Variants in PTPRD observed in about 807,000 individuals in gnomAD.
PTPRD encodes receptor-type tyrosine-protein phosphatase delta.
A neutral mutation model predicts 214.5 loss-of-function variants in PTPRD; 34 were observed. That is an observed-to-expected ratio of 0.16 (90% CI 0.12 to 0.21). The LOEUF (loss-of-function observed/expected upper bound fraction) is 0.21. PTPRD is among the 10% of genes least tolerant of loss of function. The pLI is 1.00. For synonymous variants in PTPRD, 1,128 were observed against 845.7 expected (o/e 1.33, Z -5.79); for missense variants, 2,545 against 2,398.7 (o/e 1.06, Z -1.27).
At chr9:8,627,122 A>C (rs192813846) in intron 14 of PTPRD, among the ~76,000 whole-genome samples, 31 of 151,862 alleles carry the variant, frequency 2.0e-4, no homozygotes, top group African/African-American at 7.5e-4. Context: ...TGTATCATCC[A>C]TGTAGCATTT....
chr9:10,225,892 C>A (rs2099587249), intron 3 of PTPRD, among the ~76,000 whole-genome samples: 1 of 151,972 alleles, frequency 6.6e-6, no homozygotes, highest in Non-Finnish European at 1.5e-5. Context: ...TGAGAGCAAA[C>A]AAGTAAAGAA....
chr9:10,287,680 T>C (rs2095405093), intron 3 of PTPRD, among the ~76,000 whole-genome samples: 1 of 152,136 alleles, frequency 6.6e-6, no homozygotes, highest in Non-Finnish European at 1.5e-5. Flanking sequence ...ATTTTCTTGC[T>C]TATCCTTTCT....
At chr9:8,662,705 T>C (rs1051202694) in intron 12 of PTPRD, among the ~76,000 whole-genome samples, 1 of 152,208 alleles carries the variant, frequency 6.6e-6, no homozygotes, top group Non-Finnish European at 1.5e-5. Flanking sequence ...AGGACCATTT[T>C]TTCACTTTTA....
At chr9:8,432,307 G>C (rs139136040) in intron 35 of PTPRD, among the ~76,000 whole-genome samples, 5 of 152,336 alleles carry the variant, frequency 3.3e-5, no homozygotes, top group African/African-American at 9.6e-5. Context: ...GACCTGCAGA[G>C]ATGGGGTTAC....
chr9:10,113,091 TC>T (rs2098704827), intron 3 of PTPRD, among the ~76,000 whole-genome samples: 2 of 152,160 alleles, frequency 1.3e-5, no homozygotes, highest in Admixed American at 1.3e-4. Flanking sequence ...GTCTCAGCAC[TC>T]ACTTTTATCA....
At chr9:9,629,077 G>C (rs1034668660) in intron 7 of PTPRD, among the ~76,000 whole-genome samples, 2 of 151,772 alleles carry the variant, frequency 1.3e-5, no homozygotes, top group African/African-American at 4.8e-5. Flanking sequence ...AGGAGGCTGA[G>C]GCAGGAGAAT....
chr9:9,064,729 T>C (rs1014626897), intron 10 of PTPRD, among the ~76,000 whole-genome samples: 2 of 152,242 alleles, frequency 1.3e-5, no homozygotes, highest in South Asian at 2.1e-4. Context: ...ACAGTTAGTA[T>C]GGACATTCGG....
At chr9:8,624,578 A>G (rs2095949383) in intron 14 of PTPRD, among the ~76,000 whole-genome samples, 1 of 151,852 alleles carries the variant, frequency 6.6e-6, no homozygotes, top group Non-Finnish European at 1.5e-5. Context: ...AAGGAAATTA[A>G]CATTCTTTGG....
intron 39 of PTPRD, among the ~76,000 whole-genome samples, chr9:8,368,002 T>G (rs900390777): frequency 6.6e-6 from 1 of 152,208 alleles, no homozygotes; most frequent in Non-Finnish European, 1.5e-5. Context: ...AGCTAAGATT[T>G]GAACTCTGTT....
chr9:9,991,832 CCACACACACACACACA>C (rs56267970), intron 4 of PTPRD, among the ~76,000 whole-genome samples: 73 of 147,638 alleles, frequency 4.9e-4, no homozygotes, highest in African/African-American at 1.7e-3. Flanking sequence ...TTCAACAGCA[CCACACACACACACACA>C]CACACACACA....
intron 34 of PTPRD, among the ~76,000 whole-genome samples, chr9:8,444,143 T>C (rs901819899): frequency 5.3e-5 from 8 of 152,102 alleles, no homozygotes; most frequent in Non-Finnish European, 1.0e-4. Context: ...TGTCAAAATA[T>C]ATGGGCTCAG....
intron 12 of PTPRD, among the ~76,000 whole-genome samples, chr9:8,652,814 G>A (rs1326783944): frequency 6.6e-6 from 1 of 152,086 alleles, no homozygotes; most frequent in Non-Finnish European, 1.5e-5. Flanking sequence ...AGAAGCATTT[G>A]GGAATGTATG....
chr9:8,771,941 A>G (rs1331939615), intron 11 of PTPRD, among the ~76,000 whole-genome samples: 1 of 152,156 alleles, frequency 6.6e-6, no homozygotes, highest in Non-Finnish European at 1.5e-5. Flanking sequence ...CAACTAATCA[A>G]TATTAGCAAA....
intron 5 of PTPRD, among the ~76,000 whole-genome samples, chr9:9,809,927 C>G (rs1425075515): frequency 6.6e-6 from 1 of 152,028 alleles, no homozygotes; most frequent in Non-Finnish European, 1.5e-5. Flanking sequence ...TATGTAAATT[C>G]AATAACAGAG....
chr9:10,187,285 A>C (rs1022726208), intron 3 of PTPRD, among the ~76,000 whole-genome samples: 5 of 152,140 alleles, frequency 3.3e-5, no homozygotes, highest in Non-Finnish European at 7.3e-5. Flanking sequence ...TAAAACTAGA[A>C]TATAGCACAG....
intron 10 of PTPRD, among the ~76,000 whole-genome samples, chr9:9,046,576 G>C (rs903708319): frequency 9.9e-5 from 15 of 152,080 alleles, no homozygotes; most frequent in Non-Finnish European, 1.9e-4. Flanking sequence ...ATAATTTTTA[G>C]GGAGGAATGA....
At chr9:9,030,112 G>T (rs1339816147) in intron 10 of PTPRD, among the ~76,000 whole-genome samples, 1 of 151,682 alleles carries the variant, frequency 6.6e-6, no homozygotes. Context: ...CAACGAGAAA[G>T]AACTAGCTAA....
intron 35 of PTPRD, among the ~76,000 whole-genome samples, chr9:8,411,758 C>T (rs1169347508): frequency 6.6e-6 from 1 of 152,302 alleles, no homozygotes; most frequent in African/African-American, 2.4e-5. Context: ...TTATCTCCTA[C>T]ATCAGATAAG....
At chr9:9,017,199 C>T (rs113625287) in intron 11 of PTPRD, among the ~76,000 whole-genome samples, 11 of 152,162 alleles carry the variant, frequency 7.2e-5, no homozygotes, top group South Asian at 4.1e-4. Flanking sequence ...CAACCATAAA[C>T]GAACAACCAT....
Sources: gnomAD v4.1 joint callset for allele counts (sites outside exome capture counted in the v4.1 genomes callset) on GRCh38, gnomAD v4.1.1 for gene constraint, MANE v1.5 for transcripts, NCBI Gene and HGNC (gene_info 2026-07-23, HGNC 2026-07-21) for gene names.